The following GRID2 variants were observed in gnomAD, a reference collection of about 807,000 sequenced individuals.
GRID2 encodes glutamate receptor ionotropic, delta-2.
In GRID2, 33 loss-of-function variants were observed where a neutral mutation model predicts 114.8. The ratio of observed to expected loss-of-function variants is 0.29; its 90% CI spans 0.22 to 0.38. GRID2 has a LOEUF of 0.38. Ranked by LOEUF, GRID2 falls within the 10% of genes least tolerant of loss-of-function variation. GRID2 has a pLI of 1.00. For synonymous variants in GRID2, 505 were observed against 449.9 expected (o/e 1.12, Z -1.55); for missense variants, 1,184 against 1,257.7 (o/e 0.94, Z 0.89).
At chr4:92,748,687 AGTTTCACTCT>A (rs1408797166) in intron 2 of GRID2, among the ~76,000 whole-genome samples, 4 of 143,842 alleles carry the variant, frequency 2.8e-5, no homozygotes, top group Non-Finnish European at 6.1e-5. Context: ...TTTGAGATGG[AGTTTCACTCT>A]GTTGCCCAGG....
intron 13 of GRID2, among the ~76,000 whole-genome samples, chr4:93,519,042 A>G (rs990819624): frequency 1.3e-5 from 2 of 152,158 alleles, no homozygotes; most frequent in African/African-American, 2.4e-5. Context: ...CTAAAAATAT[A>G]GACTCTTATG....
chr4:93,246,251 T>C (rs985380462), intron 8 of GRID2, among the ~76,000 whole-genome samples: 11 of 152,098 alleles, frequency 7.2e-5, no homozygotes, highest in Non-Finnish European at 1.5e-4. Flanking sequence ...CAGCAATGAA[T>C]TGTGTCTTGG....
At chr4:92,931,362 G>C (rs1750221803) in intron 2 of GRID2, among the ~76,000 whole-genome samples, 1 of 150,858 alleles carries the variant, frequency 6.6e-6, no homozygotes. Flanking sequence ...AAACCTTACA[G>C]CTAGCTAATT....
intron 1 of GRID2, among the ~76,000 whole-genome samples, chr4:92,544,529 T>C (rs1351873712): frequency 5.3e-5 from 8 of 152,140 alleles, no homozygotes; most frequent in African/African-American, 1.9e-4. Flanking sequence ...TATATTATAC[T>C]CAATGCTTTT....
intron 1 of GRID2, among the ~76,000 whole-genome samples, chr4:92,324,580 CACAT>C (rs955531594): frequency 7.1e-6 from 1 of 141,670 alleles, no homozygotes; most frequent in Non-Finnish European, 1.5e-5. Flanking sequence ...CTTTTATATA[CACAT>C]ACATACATAC....
chr4:92,614,495 G>A (rs1240885576), intron 2 of GRID2, among the ~76,000 whole-genome samples: 1 of 151,460 alleles, frequency 6.6e-6, no homozygotes, highest in Non-Finnish European at 1.5e-5. Context: ...TGGGTGCATT[G>A]TTTAATTTCT....
At chr4:92,997,786 A>G (rs1755292576) in intron 2 of GRID2, among the ~76,000 whole-genome samples, 1 of 152,174 alleles carries the variant, frequency 6.6e-6, no homozygotes, top group African/African-American at 2.4e-5. Flanking sequence ...TAGCTTTGTC[A>G]CTTACTAGTT....
At chr4:93,265,159 C>A (rs1317545257) in intron 8 of GRID2, among the ~76,000 whole-genome samples, 1 of 151,808 alleles carries the variant, frequency 6.6e-6, no homozygotes, top group Non-Finnish European at 1.5e-5. Flanking sequence ...TGGTTTTTTT[C>A]CCTCATGAAA....
At chr4:93,371,648 A>C (rs1254605428) in intron 8 of GRID2, among the ~76,000 whole-genome samples, 2 of 151,986 alleles carry the variant, frequency 1.3e-5, no homozygotes, top group African/African-American at 2.4e-5. Flanking sequence ...AGGAAAAATA[A>C]ATTATATATT....
At chr4:92,868,593 T>C (rs533069626) in intron 2 of GRID2, among the ~76,000 whole-genome samples, 11 of 152,306 alleles carry the variant, frequency 7.2e-5, no homozygotes, top group African/African-American at 2.6e-4. Flanking sequence ...ATGTTGACAT[T>C]ATTTGTGACT....
intron 1 of GRID2, among the ~76,000 whole-genome samples, chr4:92,505,955 A>C (rs1177034293): frequency 6.6e-6 from 1 of 152,020 alleles, no homozygotes; most frequent in Non-Finnish European, 1.5e-5. Flanking sequence ...ATTGAGCAAT[A>C]AAGATACTTC....
intron 1 of GRID2, among the ~76,000 whole-genome samples, chr4:93,785,076 C>T (rs1734565143): frequency 6.6e-6 from 1 of 152,164 alleles, no homozygotes; most frequent in South Asian, 2.1e-4. Flanking sequence ...TCATCCAAGT[C>T]ACCGTGGAGG....
At chr4:93,139,482 C>G (rs960619975) in intron 4 of GRID2, among the ~76,000 whole-genome samples, 4 of 152,140 alleles carry the variant, frequency 2.6e-5, no homozygotes, top group African/African-American at 9.7e-5. Context: ...AGAAAGTTTC[C>G]TAAAACAAAT....
intron 4 of GRID2, chr4:93,164,806 CTTACGTGACAATT>C (rs1738091251): frequency 2.6e-6 from 1 of 384,672 alleles, no homozygotes; most frequent in Non-Finnish European, 5.5e-6. Flanking sequence ...AGCACAGACA[CTTACGTGACAATT>C]GGAGTAAATA....
intron 10 of GRID2, among the ~76,000 whole-genome samples, chr4:93,441,004 C>T (rs1392214100): frequency 6.6e-6 from 1 of 152,000 alleles, no homozygotes; most frequent in African/African-American, 2.4e-5. Flanking sequence ...AACTTATAGA[C>T]AAGGACAAAC....
At chr4:92,730,986 G>A (rs1736302861) in intron 2 of GRID2, among the ~76,000 whole-genome samples, 1 of 151,830 alleles carries the variant, frequency 6.6e-6, no homozygotes, top group South Asian at 2.1e-4. Flanking sequence ...GATGAGATGT[G>A]GCATGCAAGT....
At chr4:93,163,411 A>C (rs1371760851) in intron 4 of GRID2, among the ~76,000 whole-genome samples, 2 of 128,636 alleles carry the variant, frequency 1.6e-5, no homozygotes, top group Non-Finnish European at 3.1e-5. Context: ...CACTATATAT[A>C]TACATACATG....
chr4:93,239,117 A>G (rs1747160082), intron 8 of GRID2, among the ~76,000 whole-genome samples: 1 of 148,036 alleles, frequency 6.8e-6, no homozygotes. Flanking sequence ...TGCTATATAT[A>G]AATTTTTGAT....
intron 2 of GRID2, among the ~76,000 whole-genome samples, chr4:92,784,598 A>G (rs1720190399): frequency 6.6e-6 from 1 of 151,962 alleles, no homozygotes. Flanking sequence ...TATCATATTT[A>G]TCAGAAAATA....
Sources: gnomAD v4.1 joint callset for allele counts (sites outside exome capture counted in the v4.1 genomes callset) on GRCh38, gnomAD v4.1.1 for gene constraint, MANE v1.5 for transcripts, NCBI Gene and HGNC (gene_info 2026-07-23, HGNC 2026-07-21) for gene names.